The following SHISA9 variants were observed in gnomAD, a reference collection of about 807,000 sequenced individuals.
SHISA9 encodes protein shisa-9.
Under a neutral mutation model 38.0 loss-of-function variants are expected in SHISA9, and 13 were observed. That is an observed-to-expected ratio of 0.34 (90% CI 0.22 to 0.54). The LOEUF (loss-of-function observed/expected upper bound fraction) is 0.54, where lower values mean the gene tolerates loss of function less well. Ranked by LOEUF, SHISA9 falls within the 20% of genes least tolerant of loss-of-function variation. The pLI is 0.91. For missense variants in SHISA9, 538 were observed against 575.8 expected (o/e 0.93, Z 0.67); for synonymous variants, 275 against 242.0 (o/e 1.14, Z -1.27).
intron 2 of SHISA9, among the ~76,000 whole-genome samples, chr16:13,141,811 C>T (rs569704611): frequency 2.6e-5 from 4 of 152,326 alleles, no homozygotes; most frequent in African/African-American, 9.6e-5. Flanking sequence ...GTCAACATTA[C>T]TTGCTGTTAG....
intron 2 of SHISA9, among the ~76,000 whole-genome samples, chr16:12,973,860 AG>A (rs2072118908): frequency 6.6e-6 from 1 of 152,204 alleles, no homozygotes; most frequent in Admixed American, 6.5e-5. Context: ...GCCTCGAAAA[AG>A]GCTCTTCTCT....
the SHISA9 span, among the ~76,000 whole-genome samples, chr16:13,515,417 A>T: frequency 2.6e-5 from 4 of 152,120 alleles, no homozygotes; most frequent in Admixed American, 2.6e-4. Flanking sequence ...TTATATTTTA[A>T]ATTTATTTAA....
At chr16:13,210,369 A>G (rs1230498912) in intron 3 of SHISA9, among the ~76,000 whole-genome samples, 2 of 152,188 alleles carry the variant, frequency 1.3e-5, no homozygotes, top group Non-Finnish European at 2.9e-5. Context: ...GCCATTGAGT[A>G]TAAGAAAGAG....
intron 2 of SHISA9, among the ~76,000 whole-genome samples, chr16:13,143,851 G>T (rs977970569): frequency 6.6e-6 from 1 of 152,104 alleles, no homozygotes; most frequent in Non-Finnish European, 1.5e-5. Flanking sequence ...ACTTTACATC[G>T]ACTGCTTATA....
At chr16:13,447,302 A>G in the SHISA9 span, among the ~76,000 whole-genome samples, 1 of 152,174 alleles carries the variant, frequency 6.6e-6, no homozygotes, top group Non-Finnish European at 1.5e-5. Flanking sequence ...GGGGTTCCTA[A>G]GTCTAGAAAG....
chr16:13,367,777 G>A, the SHISA9 span, among the ~76,000 whole-genome samples: 9 of 150,738 alleles, frequency 6.0e-5, no homozygotes, highest in African/African-American at 2.2e-4. Flanking sequence ...GAACATGGAT[G>A]TGCTAACAAA....
chr16:13,037,058 TCACA>T lies in SHISA9; in HGVS notation c.691+120265_691+120268del, dbSNP rs66529584. 9.5e-3 allele frequency among the ~76,000 whole-genome samples: 1,293 copies of T among 135,822 alleles called. 12 individuals carry two copies. Among genetic ancestry groups the T allele is most frequent in the Middle Eastern group, 0.022 (6 of 272 alleles). 89.1% of individuals were successfully genotyped at this position (135,822 alleles called of 152,430 possible). On this transcript the variant is annotated intron_variant, in intron 2 of 4. Coordinates refer to ENST00000558583, the MANE Select transcript of SHISA9 (RefSeq NM_001145204.3). ...TAAGTAAAAGGAAAGCAGGGAATGATCACACACACACACACACACACACACCACA... is the reference window on the plus strand; with the variant it reads ...TAAGTAAAAGGAAAGCAGGGAATGATCACACACACACACACACACACCACA...
chr16:13,440,024 G>A, the SHISA9 span, among the ~76,000 whole-genome samples: 1 of 152,222 alleles, frequency 6.6e-6, no homozygotes, highest in Non-Finnish European at 1.5e-5. Flanking sequence ...AAGAGGACGT[G>A]CGTTCTGGGA....
chr16:13,013,396 CG>C (rs941817385), intron 2 of SHISA9, among the ~76,000 whole-genome samples: 2 of 152,000 alleles, frequency 1.3e-5, no homozygotes, highest in Admixed American at 1.3e-4. Flanking sequence ...AGAGCCTGGC[CG>C]GGGGAAACTG....
chr16:13,508,605 C>G, the SHISA9 span, among the ~76,000 whole-genome samples: 2 of 152,116 alleles, frequency 1.3e-5, no homozygotes, highest in African/African-American at 4.8e-5. Context: ...CAGAGATGTA[C>G]ATGTGTCAGC....
the SHISA9 span, among the ~76,000 whole-genome samples, chr16:13,365,185 T>C: frequency 6.6e-6 from 1 of 152,102 alleles, no homozygotes; most frequent in South Asian, 2.1e-4. Context: ...TCATGGAGAT[T>C]TAAACTGGGA....
intron 4 of SHISA9, among the ~76,000 whole-genome samples, chr16:13,218,853 A>T (rs1035961751): frequency 6.6e-6 from 1 of 152,196 alleles, no homozygotes; most frequent in South Asian, 2.1e-4. Flanking sequence ...ATTGGAGTGC[A>T]TGCATCCTAT....
chr16:12,956,239 G>T (rs1357557080), intron 2 of SHISA9, among the ~76,000 whole-genome samples: 2 of 152,272 alleles, frequency 1.3e-5, no homozygotes, highest in African/African-American at 4.8e-5. Flanking sequence ...ACAGATGTTG[G>T]CATGGATGTG....
rs4780499 is a variant in SHISA9 at position 13,070,155 on chromosome 16, C to T, written c.692-133239C>T. Among the ~76,000 whole-genome samples, 472 of 131,444 alleles carry T rather than the reference C, an allele frequency of 3.6e-3. 2 individuals carry two copies. The highest frequency in any genetic ancestry group is 0.011 in the African/African-American group (363 of 33,960). The allele number at this position is 131,444 out of a possible 152,430, so 86.2% of individuals were successfully genotyped here. On this transcript the variant is annotated intron_variant, in intron 2 of 4. Coordinates refer to ENST00000558583, the MANE Select transcript of SHISA9 (RefSeq NM_001145204.3). ...GTGTGTGTGTGTGTGTGTGTGTGTGCACGCATGTGTCTGTGGAAACTGCCA... is the reference window on the plus strand; with the variant it reads ...GTGTGTGTGTGTGTGTGTGTGTGTGTACGCATGTGTCTGTGGAAACTGCCA...
intron 2 of SHISA9, among the ~76,000 whole-genome samples, chr16:13,108,035 G>C (rs2073943530): frequency 6.6e-6 from 1 of 152,274 alleles, no homozygotes; most frequent in Non-Finnish European, 1.5e-5. Context: ...ATGTTAGGTG[G>C]TGATCAGAGC....
chr16:13,048,898 A>G (rs556422712), intron 2 of SHISA9, among the ~76,000 whole-genome samples: 41 of 152,338 alleles, frequency 2.7e-4, no homozygotes, highest in African/African-American at 5.8e-4. Flanking sequence ...GAATTATTCA[A>G]TTAAATGCAT....
chr16:13,016,779 G>A (rs1003092317), intron 2 of SHISA9, among the ~76,000 whole-genome samples: 1 of 152,166 alleles, frequency 6.6e-6, no homozygotes, highest in Admixed American at 6.5e-5. Flanking sequence ...AAAAGAATGA[G>A]ATCAAGACCA....
chr16:13,001,150 ACTC>A (rs2072519560), intron 2 of SHISA9, among the ~76,000 whole-genome samples: 1 of 151,672 alleles, frequency 6.6e-6, no homozygotes, highest in South Asian at 2.1e-4. Context: ...CTAGTCTTGA[ACTC>A]CTGACATCAG....
chr16:13,502,566 G>A, the SHISA9 span, among the ~76,000 whole-genome samples: 4 of 152,070 alleles, frequency 2.6e-5, no homozygotes, highest in South Asian at 4.2e-4. Context: ...TTACCATTGC[G>A]GTATTTAAAA....
Sources: allele counts gnomAD v4.1 joint callset (sites outside exome capture counted in the v4.1 genomes callset), GRCh38; gene constraint gnomAD v4.1.1; transcripts MANE v1.5; gene names NCBI Gene and HGNC (gene_info 2026-07-23, HGNC 2026-07-21).